Variants in TRIM71 observed in about 807,000 individuals in gnomAD.
TRIM71 encodes the protein E3 ubiquitin-protein ligase TRIM71.
Under a neutral mutation model 61.2 loss-of-function variants are expected in TRIM71, and 9 were observed. The observed-to-expected ratio is 0.15, with a 90% CI of 0.09 to 0.26. TRIM71 has a LOEUF of 0.26. Among genes scored for constraint, TRIM71 ranks in the 10% least tolerant of loss-of-function variants. The probability of loss-of-function intolerance (pLI) is 1.00; values close to 1 mark genes in which losing one functional copy is unlikely to be tolerated. For missense variants in TRIM71, 998 were observed against 1,238.7 expected (o/e 0.81, Z 2.92); for synonymous variants, 645 against 553.2 (o/e 1.17, Z -2.33).
At chr3:32,874,217 C>T (rs76895288) in intron 2 of TRIM71, among the ~76,000 whole-genome samples, 26 of 152,204 alleles carry the variant, frequency 1.7e-4, no homozygotes, top group Non-Finnish European at 2.9e-4. Flanking sequence ...CTAGCCTGGG[C>T]CCCAACATAC....
chr3:32,886,690 C>T (rs57325858), intron 3 of TRIM71, among the ~76,000 whole-genome samples: 3 of 152,220 alleles, frequency 2.0e-5, no homozygotes, highest in Non-Finnish European at 4.4e-5. Flanking sequence ...ACTATAATTA[C>T]ATTCTCTGAA....
At chr3:32,888,286 A>C (rs1696982084) in intron 3 of TRIM71, among the ~76,000 whole-genome samples, 1 of 152,068 alleles carries the variant, frequency 6.6e-6, no homozygotes, top group Admixed American at 6.5e-5. Context: ...TTTTAAAACC[A>C]TTCTTAAAAT....
chr3:32,876,030 A>T (rs1310906133), intron 2 of TRIM71, among the ~76,000 whole-genome samples: 1 of 152,136 alleles, frequency 6.6e-6, no homozygotes, highest in Non-Finnish European at 1.5e-5. Flanking sequence ...TTGAATGACT[A>T]ATCCTGTTAT....
chr3:32,848,372 C>G (rs957067725), intron 1 of TRIM71, among the ~76,000 whole-genome samples: 1 of 152,076 alleles, frequency 6.6e-6, no homozygotes, highest in Admixed American at 6.6e-5. Context: ...AAGGTCTGGC[C>G]CATAAACTCT....
intron 1 of TRIM71, among the ~76,000 whole-genome samples, chr3:32,819,372 TA>T (rs1393902908): frequency 6.6e-6 from 1 of 152,128 alleles, no homozygotes; most frequent in Non-Finnish European, 1.5e-5. Context: ...TTGTTGCCTT[TA>T]AAATGGGGCG....
chr3:32,871,346 C>T lies in TRIM71; in HGVS notation c.853-2472C>T, dbSNP rs368959901. The stretch of plus-strand genomic sequence containing the variant: ...AAGCAGGAGAGTGCCATTCAGTCCA[C>T]ACAGCTGTCTTGAGAAGAGGGAAAG... On this transcript the variant is annotated intron_variant, in intron 1 of 3. Coordinates refer to ENST00000383763, the MANE Select transcript of TRIM71 (RefSeq NM_001039111.3). 2.0e-5 allele frequency among the ~76,000 whole-genome samples: 3 copies of T among 152,194 alleles called. No individual in the cohort carries two copies. In the East Asian group the frequency reaches 5.8e-4, roughly 29 times the overall value.
intron 1 of TRIM71, among the ~76,000 whole-genome samples, chr3:32,835,053 T>A (rs1696319878): frequency 6.6e-6 from 1 of 152,170 alleles, no homozygotes; most frequent in Non-Finnish European, 1.5e-5. Context: ...TCAAAAAAGG[T>A]ATGTAAAACA....
At chr3:32,880,387 T>G (rs964294649) in intron 2 of TRIM71, among the ~76,000 whole-genome samples, 1 of 152,204 alleles carries the variant, frequency 6.6e-6, no homozygotes, top group African/African-American at 2.4e-5. Flanking sequence ...AATAAATCAT[T>G]TCCAGATGAG....
intron 2 of TRIM71, among the ~76,000 whole-genome samples, chr3:32,879,360 GT>G (rs753953169): frequency 3.0e-4 from 46 of 152,172 alleles, no homozygotes; most frequent in Non-Finnish European, 6.3e-4. Context: ...AGCTTTGACT[GT>G]TTGGTGTAAG....
Position 32,892,595 on chromosome 3 carries a change from A to G in TRIM71, c.*784A>G, listed in dbSNP as rs772748363. On this transcript the variant is annotated 3_prime_UTR_variant, in exon 4 of 4. Coordinates refer to ENST00000383763, the MANE Select transcript of TRIM71 (RefSeq NM_001039111.3). Reference sequence around the variant, plus strand: ...GGAGGGTGTGTGCATGTTTGTTTCAAAGCCATCTTGCACCCAAGTAGTAAA... The same window carrying G: ...GGAGGGTGTGTGCATGTTTGTTTCAGAGCCATCTTGCACCCAAGTAGTAAA... 6.6e-6 allele frequency: 1 copy of G among 152,138 alleles called. No homozygotes were observed. The highest frequency in any genetic ancestry group is 1.5e-5 in the Non-Finnish European group (1 of 68,028). The allele number at this position is 152,138 out of a possible 1,614,324, so 9.4% of individuals were successfully genotyped here.
intron 1 of TRIM71, among the ~76,000 whole-genome samples, chr3:32,833,681 T>A (rs1696301404): frequency 2.0e-5 from 3 of 151,740 alleles, no homozygotes; most frequent in South Asian, 4.1e-4. Flanking sequence ...TTTATTTTAT[T>A]TTTGGCTCAG....
At chr3:32,823,612 G>A (rs1696164516) in intron 1 of TRIM71, among the ~76,000 whole-genome samples, 1 of 148,048 alleles carries the variant, frequency 6.8e-6, no homozygotes, top group Admixed American at 6.6e-5. Flanking sequence ...TTTGACAACG[G>A]TATTTGTTCT....
chr3:32,882,761 C>A (rs945001500), intron 2 of TRIM71, among the ~76,000 whole-genome samples: 3 of 152,124 alleles, frequency 2.0e-5, no homozygotes, highest in Non-Finnish European at 2.9e-5. Context: ...AGGCTGATCT[C>A]AAACTCGTGG....
chr3:32,854,719 C>G (rs1696577009), intron 1 of TRIM71, among the ~76,000 whole-genome samples: 1 of 152,208 alleles, frequency 6.6e-6, no homozygotes, highest in Non-Finnish European at 1.5e-5. Flanking sequence ...TTTCTGGCCA[C>G]AGTTTGATGC....
At chr3:32,841,787 G>T (rs924430304) in intron 1 of TRIM71, among the ~76,000 whole-genome samples, 1 of 152,120 alleles carries the variant, frequency 6.6e-6, no homozygotes, top group East Asian at 1.9e-4. Context: ...GGACCCCCAG[G>T]ACTTACCAGG....
intron 1 of TRIM71, among the ~76,000 whole-genome samples, chr3:32,846,607 A>G (rs890667074): frequency 6.6e-6 from 1 of 152,138 alleles, no homozygotes; most frequent in African/African-American, 2.4e-5. Context: ...CTTCCTGTCT[A>G]ACTGAAACTT....
chr3:32,840,572 T>G (rs1227622256), intron 1 of TRIM71, among the ~76,000 whole-genome samples: 1 of 152,206 alleles, frequency 6.6e-6, no homozygotes, highest in African/African-American at 2.4e-5. Flanking sequence ...GACTTTCCCT[T>G]GAGTTTTCTC....
chr3:32,890,915 A>G lies in TRIM71; in HGVS notation c.1711A>G (p.Ile571Val). The G allele has an allele frequency of 1.2e-6, 2 of 1,614,252 alleles. No individual in the cohort carries two copies. Among genetic ancestry groups the G allele is most frequent in the South Asian group, 2.2e-5 (2 of 91,084 alleles). The change falls in exon 4 of 4, where the codon ATT becomes GTT. Residue 571 changes from isoleucine (I) to valine (V), a missense_variant. Coordinates refer to ENST00000383763, the MANE Select transcript of TRIM71 (RefSeq NM_001039111.3). The surrounding 1 kb of genome is among the most constrained non-coding windows in gnomAD (Gnocchi z 6.2). Reference sequence around the variant, plus strand: ...ATCTGTGACACTGTGCAACCAGCACATTGAGAACAGCCCTTTCAAGGTGGT... The same window carrying G: ...ATCTGTGACACTGTGCAACCAGCACGTTGAGAACAGCCCTTTCAAGGTGGT... Reference protein sequence around the residue: ...LVSVTLCNQHIENSPFKVVVK... With the variant: ...LVSVTLCNQHVENSPFKVVVK...
chr3:32,889,890 G>GCGTGCGTGTA (rs1218607982), intron 3 of TRIM71, among the ~76,000 whole-genome samples: 2 of 141,476 alleles, frequency 1.4e-5, no homozygotes, highest in Non-Finnish European at 3.2e-5. Context: ...GCGTGTATGT[G>GCGTGCGTGTA]TGTGTGTGTG....
Sources: allele counts gnomAD v4.1 joint callset (sites outside exome capture counted in the v4.1 genomes callset), GRCh38; gene constraint gnomAD v4.1.1; non-coding constraint Gnocchi (gnomAD v3.1); transcripts MANE v1.5; gene names NCBI Gene and HGNC (gene_info 2026-07-23, HGNC 2026-07-21).